Variants in UBE2W observed in about 807,000 individuals in gnomAD.
The protein encoded by UBE2W is ubiquitin conjugating enzyme E2 W.
Under a neutral mutation model 27.2 loss-of-function variants are expected in UBE2W, and 18 were observed. That is an observed-to-expected ratio of 0.66 (90% CI 0.46 to 0.98). The LOEUF (loss-of-function observed/expected upper bound fraction) is 0.98, where lower values mean the gene tolerates loss of function less well. Ranked by LOEUF, UBE2W falls within the 50% of genes least tolerant of loss-of-function variation. The pLI is 0.00. For synonymous variants in UBE2W, 53 were observed against 57.2 expected (o/e 0.93, Z 0.33); for missense variants, 90 against 180.2 (o/e 0.50, Z 2.87).
chr8:73,811,204 G>A (rs192466302), intron 3 of UBE2W, among the ~76,000 whole-genome samples: 1 of 152,066 alleles, frequency 6.6e-6, no homozygotes. Flanking sequence ...TATGTGCCTA[G>A]ACGAAAAATA....
In UBE2W at chr8:73,793,141, A is replaced by G; in HGVS notation, c.*961T>C. 1 of 985,850 alleles carries G rather than the reference A, an allele frequency of 1.0e-6. No homozygotes were observed. The highest frequency in any genetic ancestry group is 1.2e-6 in the Non-Finnish European group (1 of 829,886). 61.1% of individuals were successfully genotyped at this position (985,850 alleles called of 1,614,324 possible). ...AACAAGATTGCAAACAAAAATGTTT[A>G]CGGGGTTTCCAAACATAAATAAATG... On this transcript the variant is annotated 3_prime_UTR_variant, in exon 6 of 6. Coordinates refer to ENST00000602593, the MANE Select transcript of UBE2W (RefSeq NM_018299.6).
rs1052450058 is a variant in UBE2W, at chr8:73,790,460, T to C, written c.*3642A>G. ...ATAATGAATCCTCAGAAAAGAAGAA[T>C]ATGGTTAAGCTTCAGTTCTTTTTGA... On this transcript the variant is annotated 3_prime_UTR_variant, in exon 6 of 6. Coordinates refer to ENST00000602593, the MANE Select transcript of UBE2W (RefSeq NM_018299.6). The C allele has an allele frequency of 1.8e-5, 18 of 985,206 alleles. No homozygotes were observed. The highest frequency in any genetic ancestry group is 2.0e-5 in the Non-Finnish European group (17 of 829,738). 61.0% of individuals were successfully genotyped at this position (985,206 alleles called of 1,614,324 possible). A position where few individuals can be genotyped will look rare whatever the true frequency, so the allele number is the denominator to read the frequency against.
rs1359522057 is a variant in UBE2W, at chr8:73,786,764, A to C, written c.*7338T>G. On this transcript the variant is annotated 3_prime_UTR_variant, in exon 6 of 6. Coordinates refer to ENST00000602593, the MANE Select transcript of UBE2W (RefSeq NM_018299.6). ...GTAAGGAGACTGGAGAGAAGGTAGA[A>C]ATCTCAGAGACATTTTAAAGTTACA... 5.1e-6 allele frequency: 5 copies of C among 985,314 alleles called. No individual in the cohort carries two copies. Among genetic ancestry groups the C allele is most frequent in the African/African-American group, 1.7e-5 (1 of 57,246 alleles). The allele number at this position is 985,314 out of a possible 1,614,324, so 61.0% of individuals were successfully genotyped here. A position where few individuals can be genotyped will look rare whatever the true frequency, so the allele number is the denominator to read the frequency against.
chr8:73,862,731 G>GA (rs1811580120), intron 1 of UBE2W, among the ~76,000 whole-genome samples: 1 of 125,050 alleles, frequency 8.0e-6, no homozygotes, highest in South Asian at 3.0e-4. Context: ...AAATTTACAA[G>GA]AAAAAAACAA....
intron 1 of UBE2W, among the ~76,000 whole-genome samples, chr8:73,866,306 T>A (rs1223753328): frequency 1.8e-4 from 24 of 132,086 alleles, no homozygotes; most frequent in African/African-American, 6.5e-4. Flanking sequence ...TATATATATA[T>A]ATATATATAT....
chr8:73,796,084 A>AGGG (rs1554578930), intron 5 of UBE2W, among the ~76,000 whole-genome samples: 13 of 138,216 alleles, frequency 9.4e-5, no homozygotes, highest in African/African-American at 3.7e-4. Flanking sequence ...AAAAAAAAAA[A>AGGG]GGGGGATGTT....
chr8:73,825,365 T>C, intron 2 of UBE2W, 116 bp from the exon 3 acceptor site: 1 of 645,814 alleles, frequency 1.5e-6, no homozygotes, highest in Non-Finnish European at 2.7e-6. Context: ...GTTGGTTATG[T>C]GTAACAGCAC....
intron 1 of UBE2W, among the ~76,000 whole-genome samples, chr8:73,844,713 C>T (rs951813880): frequency 6.6e-6 from 1 of 151,832 alleles, no homozygotes; most frequent in African/African-American, 2.4e-5. Flanking sequence ...AGCGTCTCTG[C>T]CCAGCCGCCC....
intron 1 of UBE2W, among the ~76,000 whole-genome samples, chr8:73,877,721 G>A (rs138836581): frequency 2.8e-4 from 43 of 152,254 alleles, no homozygotes; most frequent in Middle Eastern, 3.4e-3. Flanking sequence ...CCTATTGAGC[G>A]TTCTACTTTC....
intron 1 of UBE2W, among the ~76,000 whole-genome samples, chr8:73,839,347 T>TAAA (rs34467910): frequency 4.1e-4 from 54 of 131,706 alleles, no homozygotes; most frequent in Admixed American, 8.7e-4. Flanking sequence ...TGCTCCTAGT[T>TAAA]AAAAAAAAAA....
At chr8:73,839,823 C>T (rs1810468289) in intron 1 of UBE2W, among the ~76,000 whole-genome samples, 1 of 149,566 alleles carries the variant, frequency 6.7e-6, no homozygotes, top group African/African-American at 2.5e-5. Flanking sequence ...CCTCTACTTC[C>T]CGGGCTCAAG....
At chr8:73,870,391 A>AT in intron 1 of UBE2W, 5 of 1,252,610 alleles carry the variant, frequency 4.0e-6, no homozygotes, top group Admixed American at 2.7e-5. Context: ...ACTAGAAATC[A>AT]GAAAAAAAAA....
chr8:73,812,003 A>C (rs1431157520), intron 3 of UBE2W, among the ~76,000 whole-genome samples: 3 of 152,202 alleles, frequency 2.0e-5, no homozygotes, highest in Non-Finnish European at 4.4e-5. Flanking sequence ...ACAATGTTAC[A>C]ATTTTACAAA....
chr8:73,858,748 G>A (rs546415657), intron 1 of UBE2W, among the ~76,000 whole-genome samples: 1 of 150,190 alleles, frequency 6.7e-6, no homozygotes, highest in South Asian at 2.1e-4. Flanking sequence ...TTAGGATCAT[G>A]GGTAGTCCTT....
downstream of UBE2W, among the ~76,000 whole-genome samples, chr8:73,784,399 A>G (rs1331042245): frequency 1.3e-5 from 2 of 152,186 alleles, no homozygotes; most frequent in African/African-American, 4.8e-5. Flanking sequence ...ATAGGTTCTC[A>G]TTCTTCAGAA....
intron 5 of UBE2W, among the ~76,000 whole-genome samples, chr8:73,797,601 G>A (rs1224189656): frequency 8.5e-5 from 13 of 152,186 alleles, no homozygotes; most frequent in Admixed American, 8.5e-4. Flanking sequence ...CTATACAGCA[G>A]GAAGAAAAGG....
Position 73,791,712 on chromosome 8 carries a change from T to C in UBE2W, c.*2390A>G. The C allele has an allele frequency of 2.0e-6, 2 of 985,154 alleles. No individual in the cohort carries two copies. Among genetic ancestry groups the C allele is most frequent in the South Asian group, 4.7e-5 (1 of 21,276 alleles). 61.0% of individuals were successfully genotyped at this position (985,154 alleles called of 1,614,324 possible). ...GATTCCTAAATTCAAGAGAGTGTTG[T>C]TAGCCTGATTATGAATTTTAAATGT... On this transcript the variant is annotated 3_prime_UTR_variant, in exon 6 of 6. Transcript: ENST00000602593.
rs1313373345 is a variant in UBE2W, at chr8:73,868,693, T to C, written c.15+10115A>G. On this transcript the variant is annotated intron_variant, in intron 1 of 5. Coordinates refer to ENST00000602593, the MANE Select transcript of UBE2W (RefSeq NM_018299.6). ...AGAACACCCAGCTGGTGTTGAAAAA[T>C]TGCTTGGTGTGAAAAAAAAAAAAAA... Among the ~76,000 whole-genome samples, 2 of 146,456 alleles carry C rather than the reference T, an allele frequency of 1.4e-5. 1 individual carries two copies. The highest frequency in any genetic ancestry group is 3.0e-5 in the Non-Finnish European group (2 of 67,502).
intron 1 of UBE2W, among the ~76,000 whole-genome samples, chr8:73,853,528 T>G (rs1255413227): frequency 1.3e-5 from 2 of 152,146 alleles, no homozygotes; most frequent in Non-Finnish European, 2.9e-5. Context: ...CAAAATGCAC[T>G]GGGATTAGAG....
Sources: gnomAD v4.1 joint callset for allele counts (sites outside exome capture counted in the v4.1 genomes callset) on GRCh38, gnomAD v4.1.1 for gene constraint, MANE v1.5 for transcripts, NCBI Gene and HGNC (gene_info 2026-07-23, HGNC 2026-07-21) for gene names.